Variants in GRIA4 observed in about 807,000 individuals in gnomAD.
GRIA4 encodes glutamate receptor 4.
In GRIA4, 34 loss-of-function variants were observed where a neutral mutation model predicts 104.0. The observed-to-expected ratio is 0.33, with a 90% CI of 0.25 to 0.44. GRIA4 has a LOEUF of 0.44. Among genes scored for constraint, GRIA4 ranks in the 20% least tolerant of loss-of-function variants. The pLI is 1.00. For missense variants in GRIA4, 750 were observed against 1,096.5 expected, an observed-to-expected ratio of 0.68 and a Z score of 4.46; for synonymous variants, 386 against 381.9, an observed-to-expected ratio of 1.01 and a Z score of -0.13.
chr11:105,745,080 G>C (rs1447681636), intron 3 of GRIA4, among the ~76,000 whole-genome samples: 1 of 152,058 alleles, frequency 6.6e-6, no homozygotes, highest in African/African-American at 2.4e-5. Flanking sequence ...AAACTCTGAA[G>C]AGAGACTTTT....
chr11:105,744,005 G>A (rs903219837), intron 3 of GRIA4, among the ~76,000 whole-genome samples: 3 of 152,112 alleles, frequency 2.0e-5, no homozygotes, highest in Non-Finnish European at 2.9e-5. Flanking sequence ...TTACTGGTTT[G>A]TATGTCTTTA....
rs527577858 is a variant in GRIA4, at chr11:105,780,176, G to T, written c.487+26956G>T. ...CATTATTTAGAATGTACACTTTACT[G>T]CCTACTAAGAACAGGAAAAAAGGGG... is the stretch of plus-strand genomic sequence containing the variant. On this transcript the variant is annotated intron_variant, in intron 4 of 16. Transcript: ENST00000282499. Among the ~76,000 whole-genome samples the T allele has an allele frequency of 2.1e-4, 32 of 152,140 alleles. No individual in the cohort carries two copies. The South Asian group carries it at 6.6e-3, about 32-fold the overall frequency.
At chr11:105,760,941 CT>C (rs1024931956) in intron 4 of GRIA4, among the ~76,000 whole-genome samples, 2 of 152,044 alleles carry the variant, frequency 1.3e-5, no homozygotes, top group Admixed American at 1.3e-4. Flanking sequence ...CTGCAAGGTT[CT>C]ATATAATCAA....
intron 5 of GRIA4, among the ~76,000 whole-genome samples, chr11:105,878,886 T>C (rs1314239199): frequency 1.3e-5 from 2 of 152,102 alleles, no homozygotes; most frequent in Non-Finnish European, 2.9e-5. Context: ...AGCCCCCCTT[T>C]CCAGAGGAGT....
chr11:105,702,690 CTTTCTTTT>C (rs772876642), intron 3 of GRIA4, among the ~76,000 whole-genome samples: 26 of 96,118 alleles, frequency 2.7e-4, no homozygotes, highest in Admixed American at 1.1e-3. Flanking sequence ...AATTATTTTC[CTTTCTTTT>C]TTTTTTTTTT....
At chr11:105,914,566 C>A (rs1392772375) in intron 10 of GRIA4, among the ~76,000 whole-genome samples, 2 of 152,110 alleles carry the variant, frequency 1.3e-5, no homozygotes, top group Non-Finnish European at 2.9e-5. Context: ...TAAATACTTT[C>A]ATAAACAAGC....
chr11:105,767,830 G>A (rs1412691894), intron 4 of GRIA4, among the ~76,000 whole-genome samples: 7 of 152,048 alleles, frequency 4.6e-5, no homozygotes, highest in Non-Finnish European at 8.8e-5. Context: ...ACAGGGAGTG[G>A]CAGTTCCAGG....
chr11:105,766,251 A>C (rs1940932105), intron 4 of GRIA4, among the ~76,000 whole-genome samples: 1 of 152,208 alleles, frequency 6.6e-6, no homozygotes, highest in Admixed American at 6.5e-5. Context: ...AAGCCTGATC[A>C]AATGTGAAAT....
chr11:105,713,869 C>G (rs548755216), intron 3 of GRIA4, among the ~76,000 whole-genome samples: 1 of 152,210 alleles, frequency 6.6e-6, no homozygotes, highest in Non-Finnish European at 1.5e-5. Context: ...CCCAGAGGAC[C>G]AGTAGTGGGT....
intron 3 of GRIA4, among the ~76,000 whole-genome samples, chr11:105,693,375 G>T (rs1199597749): frequency 6.6e-6 from 1 of 152,070 alleles, no homozygotes; most frequent in African/African-American, 2.4e-5. Context: ...TTCTGAAAAT[G>T]ACTAATTTTT....
chr11:105,754,284 A>G (rs1940177789), intron 4 of GRIA4, among the ~76,000 whole-genome samples: 1 of 152,154 alleles, frequency 6.6e-6, no homozygotes, highest in Non-Finnish European at 1.5e-5. Flanking sequence ...CATAATAACT[A>G]CTTTTTAAAA....
intron 3 of GRIA4, among the ~76,000 whole-genome samples, chr11:105,747,607 GAAT>G (rs1258641255): frequency 2.6e-5 from 4 of 152,074 alleles, no homozygotes; most frequent in Non-Finnish European, 5.9e-5. Context: ...ACAACTGAAA[GAAT>G]AAATATAGAA....
Position 105,693,458 on chromosome 11 carries a change from A to AT in GRIA4, c.248-59514dup, listed in dbSNP as rs11408177. Among the ~76,000 whole-genome samples the AT allele has an allele frequency of 4.6e-3, 698 of 151,670 alleles. 7 individuals carry two copies. Among genetic ancestry groups the AT allele is most frequent in the African/African-American group, 0.016 (650 of 41,396 alleles). ...CCCAATGATTGATGCAGAGCAATCT[A>AT]TTTTTTTTTAAACTCAAGACTTTAA... On this transcript the variant is annotated intron_variant, in intron 3 of 16. Transcript: ENST00000282499.
chr11:105,871,380 C>T (rs901992795), intron 5 of GRIA4, among the ~76,000 whole-genome samples: 1 of 151,598 alleles, frequency 6.6e-6, no homozygotes, highest in Non-Finnish European at 1.5e-5. Flanking sequence ...ATAAACTGAG[C>T]TTGCTATGCA....
At chr11:105,977,024 T>G (rs535790859) in intron 16 of GRIA4, among the ~76,000 whole-genome samples, 1 of 152,174 alleles carries the variant, frequency 6.6e-6, no homozygotes, top group African/African-American at 2.4e-5. Context: ...CTTTGGAAGT[T>G]TTCCTTTCCC....
At position 105,926,623 on chromosome 11, in the gene GRIA4, A is replaced by G. The variant is rs1947714544; in HGVS notation, c.1848-118A>G. 4 of 682,436 alleles carry G rather than the reference A, an allele frequency of 5.9e-6. No individual in the cohort carries two copies. The South Asian group carries it at 7.2e-5, about 12-fold the overall frequency. The allele number at this position is 682,436 out of a possible 1,614,324, so 42.3% of individuals were successfully genotyped here. A position where few individuals can be genotyped will look rare whatever the true frequency, so the allele number is the denominator to read the frequency against. ...TCATTCTTGAGCAGACTCTCAGAAA[A>G]TAAAACAATACTTGGCAATTGTTAT... On this transcript the variant is annotated intron_variant, in intron 12 of 16. Coordinates refer to ENST00000282499, the MANE Select transcript of GRIA4 (RefSeq NM_000829.4).
chr11:105,758,496 A>G (rs1028918521), intron 4 of GRIA4, among the ~76,000 whole-genome samples: 7 of 152,178 alleles, frequency 4.6e-5, no homozygotes, highest in African/African-American at 1.4e-4. Context: ...ATGAATTATG[A>G]TCTCCTGACA....
chr11:105,885,575 G>A (rs1379584370), intron 5 of GRIA4, among the ~76,000 whole-genome samples: 4 of 152,222 alleles, frequency 2.6e-5, no homozygotes, highest in Non-Finnish European at 5.9e-5. Flanking sequence ...GCTTTCCCAA[G>A]AACAGAAGCT....
intron 14 of GRIA4, among the ~76,000 whole-genome samples, chr11:105,939,311 A>G (rs1442997244): frequency 6.6e-6 from 1 of 152,184 alleles, no homozygotes; most frequent in Non-Finnish European, 1.5e-5. Context: ...CACTACACTT[A>G]GAAGTTGTAT....
Sources: gnomAD v4.1 joint callset for allele counts (sites outside exome capture counted in the v4.1 genomes callset) on GRCh38, gnomAD v4.1.1 for gene constraint, MANE v1.5 for transcripts, NCBI Gene and HGNC (gene_info 2026-07-23, HGNC 2026-07-21) for gene names.